The following PTGES2 variants were observed in gnomAD, a reference collection of about 807,000 sequenced individuals.
PTGES2 encodes GATE-binding factor 1.
Under a neutral mutation model 44.5 loss-of-function variants are expected in PTGES2, and 35 were observed. The ratio of observed to expected loss-of-function variants is 0.79; its 90% CI spans 0.60 to 1.04. PTGES2 has a LOEUF of 1.04. Ranked by LOEUF, PTGES2 falls within the 50% of genes least tolerant of loss-of-function variation. The probability of loss-of-function intolerance (pLI) is 0.00; values close to 1 mark genes in which losing one functional copy is unlikely to be tolerated. For missense variants in PTGES2, 517 were observed against 521.4 expected (o/e 0.99, Z 0.08); for synonymous variants, 221 against 227.5 (o/e 0.97, Z 0.26).
Position 128,125,309 on chromosome 9 carries a change from C to G in PTGES2, c.412G>C (p.Ala138Pro). ...QVVEVNPVRR[A>P]EIKFSSYRKV... ...CTGTAGGAGGAGAACTTGATCTCAGCCCTGCGCACAGGGTTCACCTCCACC... is the reference window on the plus strand; with the variant it reads ...CTGTAGGAGGAGAACTTGATCTCAGGCCTGCGCACAGGGTTCACCTCCACC... The change falls in exon 2 of 7, where the codon GCT (alanine) becomes CCT (proline). Residue 138 changes from alanine (A) to proline (P), a missense_variant. Physicochemically the swap from Ala to Pro is conservative, Grantham distance 27. Coordinates refer to ENST00000338961, the MANE Select transcript of PTGES2 (RefSeq NM_025072.7). 6.2e-7 allele frequency: 1 copy of G among 1,613,842 alleles called. No homozygotes were observed. The highest frequency in any genetic ancestry group is 8.5e-7 in the Non-Finnish European group (1 of 1,179,876).
intron 6 of PTGES2, among the ~76,000 whole-genome samples, chr9:128,122,082 G>A (rs1230778716): frequency 6.6e-6 from 1 of 152,202 alleles, no homozygotes; most frequent in Non-Finnish European, 1.5e-5. Context: ...GATGGCGACA[G>A]GTAGAGCTTG....
intron 2 of PTGES2, chr9:128,124,985 C>A: frequency 1.3e-6 from 1 of 779,886 alleles, no homozygotes; most frequent in Non-Finnish European, 1.9e-6. Context: ...ACCTCAAACC[C>A]AGATCGCTGA....
At chr9:128,126,860 G>A (rs550837975) in intron 1 of PTGES2, among the ~76,000 whole-genome samples, 3,428 of 28,640 alleles carry the variant, frequency 0.12, 120 homozygotes, top group African/African-American at 0.21. Context: ...AAAAAACTCC[G>A]TCTCAAAAAA....
Position 128,121,129 on chromosome 9 carries a change from C to T in PTGES2, c.*16G>A, listed in dbSNP as rs973864913. On this transcript the variant is annotated 3_prime_UTR_variant, in exon 7 of 7. Coordinates refer to ENST00000338961, the MANE Select transcript of PTGES2 (RefSeq NM_025072.7). ...GGCGTCTTCCGCTGCCTTCCCTCTG[C>T]TCTGCGCGGGGACATTCAGTGCGCT... 3.2e-6 allele frequency: 5 copies of T among 1,574,196 alleles called. No individual in the cohort carries two copies. In the African/African-American group the frequency reaches 5.4e-5, roughly 17 times the overall value.
At chr9:128,124,729 G>A in intron 2 of PTGES2, 179 bp from the exon 3 acceptor site, 2 of 1,336,420 alleles carry the variant, frequency 1.5e-6, no homozygotes, top group East Asian at 2.9e-5. Flanking sequence ...TGTGGCCAAT[G>A]GGGAGGAAGG....
chr9:128,125,817 TC>T, intron 1 of PTGES2, among the ~76,000 whole-genome samples: 1 of 152,312 alleles, frequency 6.6e-6, no homozygotes, highest in African/African-American at 2.4e-5. Flanking sequence ...ACTTGTTCAC[TC>T]TCACTCCTCT....
intron 5 of PTGES2, 146 bp from the exon 6 acceptor site, chr9:128,122,625 G>T: frequency 1.4e-6 from 1 of 695,180 alleles, no homozygotes; most frequent in Non-Finnish European, 2.4e-6. Context: ...GCCTCAGGGA[G>T]CATCCGTCCC....
intron 6 of PTGES2, among the ~76,000 whole-genome samples, chr9:128,121,548 T>A (rs1834411202): frequency 6.6e-6 from 1 of 152,114 alleles, no homozygotes; most frequent in Non-Finnish European, 1.5e-5. Flanking sequence ...TCTCAGGTCC[T>A]GAGATGGGGG....
intron 1 of PTGES2, among the ~76,000 whole-genome samples, 172 bp from the exon 2 acceptor site, chr9:128,125,613 G>A (rs1022628667): frequency 2.0e-5 from 3 of 152,140 alleles, no homozygotes; most frequent in African/African-American, 4.8e-5. Context: ...AGCAGCCCAG[G>A]TTTAAGCCCC....
In PTGES2 at chr9:128,123,580, G is replaced by A. The variant is rs769222526; in HGVS notation, c.686+122C>T. On this transcript the variant is annotated intron_variant, in intron 4 of 6. Transcript: ENST00000338961. This position sits in a 1 kb window ranked among gnomAD's most constrained non-coding sequence, Gnocchi z 4.4. ...TCTCTACTGAAATCCGGCATGGCCC[G>A]GCCCCAGCCCCGCTGGTCTCCCATG... 26 of 1,056,274 alleles carry A rather than the reference G, an allele frequency of 2.5e-5. No homozygotes were observed. The highest frequency in any genetic ancestry group is 4.8e-5 in the Admixed American group (2 of 41,678). 65.4% of individuals were successfully genotyped at this position (1,056,274 alleles called of 1,614,324 possible).
upstream of PTGES2, chr9:128,128,205 GTCCGCT>G: frequency 1.0e-5 from 4 of 396,322 alleles, no homozygotes; most frequent in South Asian, 7.1e-5. Context: ...CCGCCTCATT[GTCCGCT>G]TCCTACTGTG....
At position 128,121,023 on chromosome 9, in the gene PTGES2, T is replaced by C; in HGVS notation, c.*122A>G. On this transcript the variant is annotated 3_prime_UTR_variant, in exon 7 of 7. Transcript: ENST00000338961. ...TTAGAAGCGAGAGGGCTGGTGGGGG[T>C]GCGTGGACAAGGGGCAGAATGATCC... 8.0e-7 allele frequency: 1 copy of C among 1,253,400 alleles called. No individual in the cohort carries two copies. The highest frequency in any genetic ancestry group is 1.1e-6 in the Non-Finnish European group (1 of 907,562). The allele number at this position is 1,253,400 out of a possible 1,614,324, so 77.6% of individuals were successfully genotyped here.
intron 1 of PTGES2, among the ~76,000 whole-genome samples, chr9:128,127,035 AG>A (rs1199495594): frequency 1.1e-4 from 16 of 148,732 alleles, no homozygotes; most frequent in African/African-American, 4.0e-4. Flanking sequence ...AAAAATTAGC[AG>A]GGCGCAGTGG....
In PTGES2 at chr9:128,122,468, T is replaced by C. The variant is rs764551876; in HGVS notation, c.899A>G (p.Gln300Arg). The C allele has an allele frequency of 1.9e-6, 3 of 1,613,990 alleles. No individual in the cohort carries two copies. The South Asian group carries it at 3.3e-5, about 18-fold the overall frequency. ...ATAGAGGTCCTCGCGCACGTTGTCC[T>C]GGAGGCGGTGCCTGGGCGGGGAAGG... ...SKRLKSRHRL[Q>R]DNVREDLYEA... Residue 300 changes from glutamine (Q) to arginine (R), a missense_variant, in exon 6 of 7, where the codon CAG (glutamine) becomes CGG (arginine). Coordinates refer to ENST00000338961, the MANE Select transcript of PTGES2 (RefSeq NM_025072.7).
chr9:128,127,692 C>T lies in PTGES2; in HGVS notation c.26G>A (p.Arg9Gln). 6 of 1,286,262 alleles carry T rather than the reference C, an allele frequency of 4.7e-6. No homozygotes were observed. Among genetic ancestry groups the T allele is most frequent in the Non-Finnish European group, 4.9e-6 (5 of 1,017,078 alleles). The allele number at this position is 1,286,262 out of a possible 1,614,324, so 79.7% of individuals were successfully genotyped here. A position where few individuals can be genotyped will look rare whatever the true frequency, so the allele number is the denominator to read the frequency against. Residue 9 changes from arginine (R) to glutamine (Q), a missense_variant, in exon 1 of 7, where the codon CGG (arginine) becomes CAG (glutamine). By Grantham distance (43) the Arg-to-Gln change is conservative. Coordinates refer to ENST00000338961, the MANE Select transcript of PTGES2 (RefSeq NM_025072.7). MDPAARVV[R>Q]ALWPGGCALA... ...GGCGCACCCACCAGGCCACAGCGCC[C>T]GCACCACCCGCGCAGCCGGGTCCAT...
At chr9:128,127,338 G>C (rs191203961) in intron 1 of PTGES2, 101 bp downstream of exon 1, 84 of 1,087,556 alleles carry the variant, frequency 7.7e-5, no homozygotes, top group Non-Finnish European at 9.6e-5. Flanking sequence ...ACTCGCCCAA[G>C]GTCACAAGCA....
At position 128,120,990 on chromosome 9, in the gene PTGES2, G is replaced by A. The variant is rs1834385850; in HGVS notation, c.*155C>T. On this transcript the variant is annotated 3_prime_UTR_variant, in exon 7 of 7. Coordinates refer to ENST00000338961, the MANE Select transcript of PTGES2 (RefSeq NM_025072.7). ...CTAACATCCCTGAGCCCCAGCAGGT[G>A]CCCTGTGTTAGAAGCGAGAGGGCTG... 2.1e-6 allele frequency: 2 copies of A among 953,958 alleles called. No individual in the cohort carries two copies. Among genetic ancestry groups the A allele is most frequent in the African/African-American group, 1.7e-5 (1 of 60,032 alleles). 59.1% of individuals were successfully genotyped at this position (953,958 alleles called of 1,614,324 possible).
chr9:128,125,203 C>A, intron 2 of PTGES2, 41 bp downstream of exon 2: 2 of 1,537,842 alleles, frequency 1.3e-6, no homozygotes, highest in Non-Finnish European at 8.8e-7. Context: ...CAGGACAACC[C>A]AGGAAAGGAG....
At chr9:128,127,991 G>C, upstream of PTGES2, 1 of 439,086 alleles carries the variant, frequency 2.3e-6, no homozygotes, top group Non-Finnish European at 4.1e-6. Context: ...ACTGCAGGGG[G>C]GCGAACGTCT....
Sources: allele counts gnomAD v4.1 joint callset (sites outside exome capture counted in the v4.1 genomes callset), GRCh38; gene constraint gnomAD v4.1.1; non-coding constraint Gnocchi (gnomAD v3.1); transcripts MANE v1.5; gene names NCBI Gene and HGNC (gene_info 2026-07-23, HGNC 2026-07-21).